Variants in CLDN14 observed in about 807,000 individuals in gnomAD.
CLDN14 encodes the protein claudin-14.
Under a neutral mutation model 2.1 loss-of-function variants are expected in CLDN14, and 2 were observed. The observed-to-expected ratio is 0.96, with a 90% CI of 0.39 to 3.01. The LOEUF (loss-of-function observed/expected upper bound fraction) is 3.01. CLDN14 is among the 30% of genes most tolerant of loss of function. CLDN14 has a pLI of 0.09. For missense variants in CLDN14, 298 were observed against 328.0 expected, an observed-to-expected ratio of 0.91 and a Z score of 0.71; for synonymous variants, 136 against 154.4, an observed-to-expected ratio of 0.88 and a Z score of 0.88.
intron 1 of CLDN14, among the ~76,000 whole-genome samples, chr21:36,570,307 T>C (rs1302259678): frequency 6.6e-6 from 1 of 152,212 alleles, no homozygotes; most frequent in Non-Finnish European, 1.5e-5. Flanking sequence ...AAGTTTCTTA[T>C]CAGACTTAAG....
intron 2 of CLDN14, among the ~76,000 whole-genome samples, chr21:36,502,962 G>C (rs1272388873): frequency 4.6e-5 from 7 of 152,238 alleles, no homozygotes; most frequent in Admixed American, 4.6e-4. Flanking sequence ...TCAGATCTCT[G>C]AGAAGTGTGG....
intron 2 of CLDN14, among the ~76,000 whole-genome samples, chr21:36,504,276 G>A (rs1328345362): frequency 6.6e-6 from 1 of 151,860 alleles, no homozygotes; most frequent in Non-Finnish European, 1.5e-5. Flanking sequence ...GAAGTTTGAG[G>A]CTGAAGAGAG....
At chr21:36,511,258 C>T (rs1245539838) in intron 1 of CLDN14, among the ~76,000 whole-genome samples, 1 of 152,148 alleles carries the variant, frequency 6.6e-6, no homozygotes, top group Non-Finnish European at 1.5e-5. Flanking sequence ...TAAGCACACC[C>T]TTTTCACGGT....
chr21:36,528,383 G>A lies in CLDN14; in HGVS notation c.-219-17883C>T, dbSNP rs571826058. On this transcript the variant is annotated intron_variant, in intron 1 of 2. Transcript: ENST00000342108. ...AGACAGTCCACGTCCTACAGCCAGA[G>A]CAGGATTCGAACCCACAGTCCTGAT... Among the ~76,000 whole-genome samples the A allele has an allele frequency of 2.0e-4, 30 of 152,298 alleles. No individual in the cohort carries two copies. The South Asian group carries it at 6.0e-3, about 30-fold the overall frequency.
chr21:36,554,468 G>A (rs952594700), intron 1 of CLDN14, among the ~76,000 whole-genome samples: 1 of 152,190 alleles, frequency 6.6e-6, no homozygotes, highest in African/African-American at 2.4e-5. Flanking sequence ...GGAGATAAAC[G>A]GCCACACAAG....
intron 1 of CLDN14, among the ~76,000 whole-genome samples, chr21:36,558,590 A>C (rs1402775596): frequency 6.6e-6 from 1 of 152,200 alleles, no homozygotes; most frequent in African/African-American, 2.4e-5. Context: ...CTGTAGGCAG[A>C]GCAGCCTATT....
chr21:36,549,113 A>T (rs1217568005), intron 1 of CLDN14, among the ~76,000 whole-genome samples: 1 of 151,280 alleles, frequency 6.6e-6, no homozygotes, highest in Non-Finnish European at 1.5e-5. Flanking sequence ...TATCATTGCT[A>T]TGGGGCATGA....
intron 1 of CLDN14, among the ~76,000 whole-genome samples, chr21:36,542,227 T>A (rs2087495083): frequency 6.6e-6 from 1 of 152,122 alleles, no homozygotes; most frequent in Non-Finnish European, 1.5e-5. Context: ...CCTCCTAAAG[T>A]GCTGGGATTA....
chr21:36,567,652 T>C (rs1050006794), intron 1 of CLDN14, among the ~76,000 whole-genome samples: 4 of 152,234 alleles, frequency 2.6e-5, no homozygotes, highest in Admixed American at 6.5e-5. Context: ...TTTAGTGCCC[T>C]GGGTTGCTCT....
chr21:36,461,636 G>A lies in CLDN14; in HGVS notation c.60C>T (p.Gly20=), dbSNP rs387907415. The change falls in exon 2 of 2, where the codon GGC becomes GGT. Residue 20 remains glycine (G), a synonymous_variant. Coordinates refer to ENST00000399135, the MANE Select transcript of CLDN14 (RefSeq NM_001146079.2). ...GCGGCAGGATGGTGGTGATCAACGT[G>A]CCCACCATGCCCAGGAAGCTGAGCA... ...GFLLSFLGMV[G]TLITTILPHW... is the part of the protein sequence containing the mutation. 2 of 1,578,804 alleles carry A rather than the reference G, an allele frequency of 1.3e-6. No individual in the cohort carries two copies. The highest frequency in any genetic ancestry group is 1.7e-6 in the Non-Finnish European group (2 of 1,163,144).
chr21:36,482,318 A>G (rs139716587), upstream of CLDN14, among the ~76,000 whole-genome samples: 542 of 145,594 alleles, frequency 3.7e-3, 2 homozygotes, highest in South Asian at 0.014. Flanking sequence ...AAGTTAGTCA[A>G]TGTTTCAATA....
chr21:36,574,413 A>G (rs2087728170), intron 1 of CLDN14, among the ~76,000 whole-genome samples: 1 of 152,258 alleles, frequency 6.6e-6, no homozygotes, highest in Non-Finnish European at 1.5e-5. Flanking sequence ...AACAACACAG[A>G]TGAATCTCAA....
chr21:36,564,608 T>C (rs383609), intron 1 of CLDN14, among the ~76,000 whole-genome samples: 113,772 of 151,742 alleles, frequency 0.75, 44,097 homozygotes, highest in Non-Finnish European at 0.87. Flanking sequence ...CCTCAGGTGA[T>C]GTGTATGGCT....
At chr21:36,523,781 G>GAGAA (rs56772352) in intron 1 of CLDN14, among the ~76,000 whole-genome samples, 469 of 38,108 alleles carry the variant, frequency 0.012, 24 homozygotes, top group African/African-American at 0.026. Flanking sequence ...GAGAGAAAGA[G>GAGAA]AGAAAGAAAG....
intron 1 of CLDN14, among the ~76,000 whole-genome samples, chr21:36,567,185 T>C (rs187667699): frequency 4.6e-5 from 7 of 152,316 alleles, no homozygotes; most frequent in African/African-American, 7.2e-5. Context: ...CTGCCTCACG[T>C]TGGAGCTTTG....
intron 1 of CLDN14, among the ~76,000 whole-genome samples, chr21:36,475,350 C>A (rs1793992860): frequency 6.6e-6 from 1 of 152,162 alleles, no homozygotes; most frequent in South Asian, 2.1e-4. Context: ...GTCTGTTCAT[C>A]GTGGAGAAGT....
chr21:36,487,262 C>T (rs577726179), intron 2 of CLDN14: 7 of 214,346 alleles, frequency 3.3e-5, no homozygotes, highest in East Asian at 1.6e-4. Flanking sequence ...GGATTACAGG[C>T]GTGAACCACT....
chr21:36,491,070 C>A (rs1002813875), intron 2 of CLDN14, among the ~76,000 whole-genome samples: 1 of 152,068 alleles, frequency 6.6e-6, no homozygotes, highest in Non-Finnish European at 1.5e-5. Flanking sequence ...CGAAGAAAGG[C>A]CTTCATTTGC....
intron 1 of CLDN14, among the ~76,000 whole-genome samples, chr21:36,534,398 C>T (rs1448175205): frequency 3.3e-5 from 5 of 152,168 alleles, no homozygotes; most frequent in South Asian, 4.1e-4. Flanking sequence ...ACGATCCCCC[C>T]GTGGGAACCA....
Sources: gnomAD v4.1 joint callset for allele counts (sites outside exome capture counted in the v4.1 genomes callset) on GRCh38, gnomAD v4.1.1 for gene constraint, MANE v1.5 for transcripts, NCBI Gene and HGNC (gene_info 2026-07-23, HGNC 2026-07-21) for gene names.